Variants in ST6GALNAC3 observed in about 807,000 individuals in gnomAD.
ST6GALNAC3 encodes ST6 N-acetylgalactosaminide alpha-2,6-sialyltransferase 3, also known as alpha-N-acetylgalactosaminide alpha-2,6-sialyltransferase 3.
In ST6GALNAC3, 25 loss-of-function variants were observed where a neutral mutation model predicts 32.7. The ratio of observed to expected loss-of-function variants is 0.76; its 90% CI spans 0.56 to 1.07. ST6GALNAC3 has a LOEUF of 1.07. Among genes scored for constraint, ST6GALNAC3 ranks in the 50% least tolerant of loss-of-function variants. ST6GALNAC3 has a pLI of 0.00. For missense variants in ST6GALNAC3, 355 were observed against 382.4 expected (o/e 0.93, Z 0.60); for synonymous variants, 129 against 133.1 (o/e 0.97, Z 0.21).
chr1:76,573,580 G>A (rs892790901), intron 3 of ST6GALNAC3, among the ~76,000 whole-genome samples: 1 of 151,802 alleles, frequency 6.6e-6, no homozygotes, highest in African/African-American at 2.4e-5. Context: ...AAGGAAAAAT[G>A]TCCTTTTGAT....
chr1:76,567,441 C>A (rs1665619511), intron 3 of ST6GALNAC3, among the ~76,000 whole-genome samples: 3 of 152,106 alleles, frequency 2.0e-5, no homozygotes, highest in Admixed American at 2.0e-4. Context: ...ACTGGAAAAA[C>A]TTAAGCAACA....
intron 3 of ST6GALNAC3, among the ~76,000 whole-genome samples, chr1:76,416,034 AACACACACACAC>A (rs60710007): frequency 7.5e-4 from 109 of 144,426 alleles, no homozygotes; most frequent in African/African-American, 2.5e-3. Context: ...TTTATTCCAC[AACACACACACAC>A]ACACACACAC....
intron 1 of ST6GALNAC3, among the ~76,000 whole-genome samples, chr1:76,197,958 C>A (rs932131759): frequency 6.6e-6 from 1 of 152,136 alleles, no homozygotes; most frequent in African/African-American, 2.4e-5. Flanking sequence ...TCCAAATGTA[C>A]CTTGTGGAAG....
intron 1 of ST6GALNAC3, among the ~76,000 whole-genome samples, chr1:76,230,615 T>C (rs575070255): frequency 6.6e-6 from 1 of 152,344 alleles, no homozygotes; most frequent in East Asian, 1.9e-4. Flanking sequence ...AATTTCATAC[T>C]GTAGTCTGGT....
At chr1:76,325,794 TA>T (rs895411007) in intron 2 of ST6GALNAC3, among the ~76,000 whole-genome samples, 3 of 148,520 alleles carry the variant, frequency 2.0e-5, no homozygotes, top group African/African-American at 7.5e-5. Context: ...TACACACAAA[TA>T]TATATATATA....
chr1:76,293,896 C>T (rs546529236), intron 1 of ST6GALNAC3, among the ~76,000 whole-genome samples: 60 of 152,064 alleles, frequency 3.9e-4, no homozygotes, highest in South Asian at 8.3e-4. Context: ...CACATATGCA[C>T]GTGCTTTATA....
chr1:76,161,969 A>G (rs1164489166), intron 1 of ST6GALNAC3, among the ~76,000 whole-genome samples: 1 of 152,244 alleles, frequency 6.6e-6, no homozygotes, highest in Admixed American at 6.5e-5. Flanking sequence ...AAAGTTGGAA[A>G]TCGACATTTG....
rs545622591 is a variant in ST6GALNAC3, at chr1:76,304,613, G to A, written c.19-9192G>A. Among the ~76,000 whole-genome samples, 4 of 152,162 alleles carry A rather than the reference G, an allele frequency of 2.6e-5. No homozygotes were observed. The South Asian group carries it at 8.3e-4, about 32-fold the overall frequency. On this transcript the variant is annotated intron_variant, in intron 1 of 4. Transcript: ENST00000328299. ...GCTTGAAACATGGAGGACAGGAAAG[G>A]GAGAGATGGGAGAGGAGACTTCCCT...
intron 2 of ST6GALNAC3, among the ~76,000 whole-genome samples, chr1:76,328,705 G>A (rs2100949758): frequency 6.6e-6 from 1 of 152,268 alleles, no homozygotes; most frequent in Non-Finnish European, 1.5e-5. Context: ...AGAACTAGGG[G>A]ATATGGTAAT....
At chr1:76,196,764 C>G (rs1174782199) in intron 1 of ST6GALNAC3, among the ~76,000 whole-genome samples, 2 of 152,066 alleles carry the variant, frequency 1.3e-5, no homozygotes, top group African/African-American at 4.8e-5. Flanking sequence ...TACCTGGCCT[C>G]TCAATACTTT....
At chr1:76,570,330 C>T (rs1381831469) in intron 3 of ST6GALNAC3, among the ~76,000 whole-genome samples, 1 of 151,582 alleles carries the variant, frequency 6.6e-6, no homozygotes, top group Non-Finnish European at 1.5e-5. Context: ...GCTTATTTTT[C>T]TTCCTTCCCT....
chr1:76,155,941 G>A (rs1651384785), intron 1 of ST6GALNAC3, among the ~76,000 whole-genome samples: 1 of 151,898 alleles, frequency 6.6e-6, no homozygotes, highest in Admixed American at 6.6e-5. Flanking sequence ...TTCTGCTCCG[G>A]GAGCCTACCC....
chr1:76,587,187 C>T (rs1250082211), intron 3 of ST6GALNAC3, among the ~76,000 whole-genome samples: 2 of 152,068 alleles, frequency 1.3e-5, no homozygotes, highest in Non-Finnish European at 2.9e-5. Flanking sequence ...AGCTACAGTC[C>T]CTTAAATGAG....
At chr1:76,098,792 A>AT (rs1647174679) in intron 1 of ST6GALNAC3, among the ~76,000 whole-genome samples, 1 of 151,848 alleles carries the variant, frequency 6.6e-6, no homozygotes. Context: ...TATTTTCTTA[A>AT]TTTTTTATTT....
chr1:76,351,163 T>C (rs1423876408), intron 2 of ST6GALNAC3, among the ~76,000 whole-genome samples: 1 of 152,164 alleles, frequency 6.6e-6, no homozygotes. Context: ...TGTATTAGCT[T>C]TGTCAAGTTT....
At chr1:76,277,282 A>G (rs575744806) in intron 1 of ST6GALNAC3, among the ~76,000 whole-genome samples, 16 of 151,990 alleles carry the variant, frequency 1.1e-4, no homozygotes, top group South Asian at 6.2e-4. Context: ...ATATGGGCTT[A>G]TATATTTGGG....
intron 3 of ST6GALNAC3, among the ~76,000 whole-genome samples, chr1:76,548,664 T>G (rs1480139355): frequency 1.3e-5 from 2 of 152,184 alleles, no homozygotes; most frequent in Admixed American, 6.5e-5. Context: ...GTCTGAAATA[T>G]CATGATTAGC....
intron 3 of ST6GALNAC3, among the ~76,000 whole-genome samples, chr1:76,558,548 A>T (rs980089047): frequency 6.6e-6 from 1 of 152,116 alleles, no homozygotes; most frequent in Non-Finnish European, 1.5e-5. Context: ...TTGAGTACAC[A>T]TGGACATGTA....
chr1:76,345,688 C>T (rs1012508948), intron 2 of ST6GALNAC3, among the ~76,000 whole-genome samples: 8 of 152,022 alleles, frequency 5.3e-5, no homozygotes, highest in Non-Finnish European at 1.2e-4. Flanking sequence ...GCTCAAAATT[C>T]TTCAGTCACC....
Sources: gnomAD v4.1 joint callset for allele counts (sites outside exome capture counted in the v4.1 genomes callset) on GRCh38, gnomAD v4.1.1 for gene constraint, MANE v1.5 for transcripts, NCBI Gene and HGNC (gene_info 2026-07-23, HGNC 2026-07-21) for gene names.